Variants in MBNL1 observed in about 807,000 individuals in gnomAD.
MBNL1 encodes muscleblind like splicing regulator 1.
A neutral mutation model predicts 42.2 loss-of-function variants in MBNL1; 8 were observed. That is an observed-to-expected ratio of 0.19 (90% CI 0.11 to 0.34). The LOEUF (loss-of-function observed/expected upper bound fraction) is 0.34. Ranked by LOEUF, MBNL1 falls within the 10% of genes least tolerant of loss-of-function variation. The pLI, the probability that MBNL1 is intolerant of heterozygous loss-of-function variation, is 1.00. For synonymous variants in MBNL1, 169 were observed against 173.9 expected, an observed-to-expected ratio of 0.97 and a Z score of 0.22; for missense variants, 309 against 495.3, an observed-to-expected ratio of 0.62 and a Z score of 3.57.
At chr3:152,250,490 A>T (rs1317558431) in intron 2 of MBNL1, among the ~76,000 whole-genome samples, 1 of 152,096 alleles carries the variant, frequency 6.6e-6, no homozygotes, top group Non-Finnish European at 1.5e-5. Context: ...ACTTTGCTGA[A>T]GTTGCTTATC....
Position 152,463,847 on chromosome 3 carries a change from T to C in MBNL1, c.*1481T>C, listed in dbSNP as rs1160559399. 1 of 152,564 alleles carries C rather than the reference T, an allele frequency of 6.6e-6. No individual in the cohort carries two copies. The highest frequency in any genetic ancestry group is 1.5e-5 in the Non-Finnish European group (1 of 67,960). 9.5% of individuals were successfully genotyped at this position (152,564 alleles called of 1,614,324 possible). Reference sequence around the variant, plus strand: ...GTAGGGGCCAGGTCACTGGTAGTTATAGTATGGAATGGGAGAAGTGAAAGT... The same window carrying C: ...GTAGGGGCCAGGTCACTGGTAGTTACAGTATGGAATGGGAGAAGTGAAAGT... On this transcript the variant is annotated 3_prime_UTR_variant, in exon 10 of 10. Coordinates refer to ENST00000324210, the MANE Select transcript of MBNL1 (RefSeq NM_021038.5).
chr3:152,266,577 T>A (rs73869980), upstream of MBNL1: 2 of 152,154 alleles, frequency 1.3e-5, no homozygotes. Flanking sequence ...GATTAGTCCT[T>A]AGTGGTTCGC....
At chr3:152,350,457 G>A (rs917669591) in intron 2 of MBNL1, among the ~76,000 whole-genome samples, 1 of 152,104 alleles carries the variant, frequency 6.6e-6, no homozygotes, top group African/African-American at 2.4e-5. Context: ...AGAGAAGTGG[G>A]AGTCAGCTGA....
chr3:152,265,114 C>G (rs1340533345), upstream of MBNL1: 1 of 152,070 alleles, frequency 6.6e-6, no homozygotes, highest in Non-Finnish European at 1.5e-5. Context: ...TCTCCTCAAC[C>G]CTGTTGTGAA....
intron 3 of MBNL1, among the ~76,000 whole-genome samples, chr3:152,423,711 GT>G (rs1245046712): frequency 6.6e-6 from 1 of 152,174 alleles, no homozygotes; most frequent in Non-Finnish European, 1.5e-5. Context: ...CAAATCCAGA[GT>G]ACATTAAAAA....
chr3:152,315,866 ACTCT>A (rs113762203), intron 2 of MBNL1, among the ~76,000 whole-genome samples: 38,082 of 148,916 alleles, frequency 0.26, 5,250 homozygotes, highest in East Asian at 0.45. Flanking sequence ...ACACACACAC[ACTCT>A]CTCTCTCTCT....
At chr3:152,394,456 C>T (rs2097848082) in intron 2 of MBNL1, among the ~76,000 whole-genome samples, 1 of 152,232 alleles carries the variant, frequency 6.6e-6, no homozygotes, top group African/African-American at 2.4e-5. Flanking sequence ...TCTCTGACAC[C>T]TTAATTGTTC....
intron 1 of MBNL1, among the ~76,000 whole-genome samples, chr3:152,273,662 C>T (rs923454922): frequency 7.9e-5 from 12 of 152,044 alleles, no homozygotes; most frequent in African/African-American, 2.9e-4. Flanking sequence ...CGAAATGTAG[C>T]CATATTGGAC....
chr3:152,255,820 A>G (rs1250395453), intron 2 of MBNL1, among the ~76,000 whole-genome samples: 1 of 152,182 alleles, frequency 6.6e-6, no homozygotes, highest in Non-Finnish European at 1.5e-5. Flanking sequence ...TAAGACCTGA[A>G]CAGTGAGAGG....
At chr3:152,404,819 A>G (rs1429970787) in intron 2 of MBNL1, among the ~76,000 whole-genome samples, 1 of 150,890 alleles carries the variant, frequency 6.6e-6, no homozygotes, top group East Asian at 1.9e-4. Flanking sequence ...TATTTGTGTT[A>G]TATCCAAATT....
chr3:152,310,992 A>G (rs2066072443), intron 2 of MBNL1, among the ~76,000 whole-genome samples: 1 of 149,604 alleles, frequency 6.7e-6, no homozygotes, highest in Non-Finnish European at 1.5e-5. Context: ...AATGCACAGA[A>G]CCATGAGACT....
At position 152,307,018 on chromosome 3, in the gene MBNL1, CT is replaced by C. The variant is rs2063498529; in HGVS notation, c.174+6653del. ...TTTATTTATTTATTTGAGACAGAGT[CT>C]TACTCTGTTGTCCAGGCTTGAGTGC... is the stretch of plus-strand genomic sequence containing the variant. On this transcript the variant is annotated intron_variant, in intron 2 of 9. Coordinates refer to ENST00000324210, the MANE Select transcript of MBNL1 (RefSeq NM_021038.5). Among the ~76,000 whole-genome samples the C allele has an allele frequency of 9.2e-5, 14 of 152,306 alleles. No individual in the cohort carries two copies. In the South Asian group the frequency reaches 2.9e-3, roughly 32 times the overall value.
chr3:152,281,993 T>C (rs531304258), intron 1 of MBNL1, among the ~76,000 whole-genome samples: 20 of 152,118 alleles, frequency 1.3e-4, no homozygotes, highest in African/African-American at 4.1e-4. Context: ...CCTATGTGTC[T>C]ATATATATAT....
At chr3:152,422,479 A>G (rs2098823318) in intron 3 of MBNL1, among the ~76,000 whole-genome samples, 1 of 152,192 alleles carries the variant, frequency 6.6e-6, no homozygotes, top group Non-Finnish European at 1.5e-5. Context: ...AAAGAGACTT[A>G]GACTCCCACA....
chr3:152,288,608 A>G (rs1030395189), intron 1 of MBNL1, among the ~76,000 whole-genome samples: 1 of 152,028 alleles, frequency 6.6e-6, no homozygotes, highest in Admixed American at 6.5e-5. Flanking sequence ...CTCTTATGAC[A>G]TAGTGTTGTC....
At chr3:152,356,456 C>A (rs1041751701) in intron 2 of MBNL1, among the ~76,000 whole-genome samples, 2 of 152,148 alleles carry the variant, frequency 1.3e-5, no homozygotes, top group African/African-American at 4.8e-5. Context: ...GTTTGCCTGA[C>A]AAAGTCCACT....
At chr3:152,313,869 G>A (rs2068668880) in intron 2 of MBNL1, among the ~76,000 whole-genome samples, 1 of 152,086 alleles carries the variant, frequency 6.6e-6, no homozygotes, top group Non-Finnish European at 1.5e-5. Flanking sequence ...AGGTATTAAT[G>A]GAATAATTCA....
chr3:152,260,287 A>G (rs931824318), intron 2 of MBNL1, among the ~76,000 whole-genome samples: 1 of 152,134 alleles, frequency 6.6e-6, no homozygotes, highest in Admixed American at 6.5e-5. Context: ...GCAGTTACTC[A>G]TTGCTAAGCC....
intron 2 of MBNL1, among the ~76,000 whole-genome samples, chr3:152,361,596 A>T (rs151338123): frequency 4.5e-4 from 68 of 152,072 alleles, no homozygotes; most frequent in Admixed American, 2.6e-4. Context: ...GGTTAGGCCC[A>T]GGTTATGAGG....
Sources: gnomAD v4.1 joint callset for allele counts (sites outside exome capture counted in the v4.1 genomes callset) on GRCh38, gnomAD v4.1.1 for gene constraint, MANE v1.5 for transcripts, NCBI Gene and HGNC (gene_info 2026-07-23, HGNC 2026-07-21) for gene names.